The following GRIK2 variants were observed in gnomAD, a reference collection of about 807,000 sequenced individuals.
The protein encoded by GRIK2 is glutamate receptor ionotropic, kainate 2.
Under a neutral mutation model 100.3 loss-of-function variants are expected in GRIK2, and 32 were observed. That is an observed-to-expected ratio of 0.32 (90% CI 0.24 to 0.43). The LOEUF (loss-of-function observed/expected upper bound fraction) is 0.43. GRIK2 is among the 20% of genes least tolerant of loss of function. The pLI is 1.00. For missense variants in GRIK2, 843 were observed against 1,114.9 expected, an observed-to-expected ratio of 0.76 and a Z score of 3.47; for synonymous variants, 417 against 389.4, an observed-to-expected ratio of 1.07 and a Z score of -0.83.
intron 2 of GRIK2, among the ~76,000 whole-genome samples, chr6:101,453,556 C>G (rs956102062): frequency 1.3e-5 from 2 of 151,928 alleles, no homozygotes; most frequent in African/African-American, 4.8e-5. Context: ...CTTGAACTGT[C>G]AGAAATATAC....
intron 2 of GRIK2, among the ~76,000 whole-genome samples, chr6:101,514,339 A>G (rs1022700250): frequency 3.9e-4 from 60 of 152,228 alleles, no homozygotes; most frequent in Admixed American, 2.0e-3. Context: ...CGACACGGAC[A>G]CACATGGAGT....
intron 2 of GRIK2, among the ~76,000 whole-genome samples, chr6:101,611,075 AT>A (rs1656092747): frequency 2.0e-5 from 3 of 151,748 alleles, no homozygotes; most frequent in African/African-American, 7.3e-5. Context: ...CCTCCCTTGG[AT>A]TTTAATGGTC....
At chr6:101,963,313 T>G (rs1792429101) in intron 14 of GRIK2, among the ~76,000 whole-genome samples, 2 of 95,874 alleles carry the variant, frequency 2.1e-5, no homozygotes, top group Admixed American at 2.4e-4. Flanking sequence ...TTTTTTTTTT[T>G]TTGAGATGGA....
At chr6:101,529,826 G>A (rs749722877) in intron 2 of GRIK2, among the ~76,000 whole-genome samples, 6 of 152,072 alleles carry the variant, frequency 3.9e-5, no homozygotes, top group Non-Finnish European at 8.8e-5. Context: ...TTTGAAAATG[G>A]TTTAACAGAA....
At chr6:101,921,963 T>C (rs1040423281) in intron 12 of GRIK2, among the ~76,000 whole-genome samples, 1 of 152,036 alleles carries the variant, frequency 6.6e-6, no homozygotes, top group African/African-American at 2.4e-5. Flanking sequence ...TTATTTTAAT[T>C]TAAATATCAA....
intron 2 of GRIK2, among the ~76,000 whole-genome samples, chr6:101,440,252 A>G (rs1769970146): frequency 6.6e-6 from 1 of 152,226 alleles, no homozygotes; most frequent in South Asian, 2.1e-4. Context: ...CAACAGAATT[A>G]GGTATAAGAC....
At chr6:101,594,781 T>G (rs1331862043) in intron 2 of GRIK2, among the ~76,000 whole-genome samples, 2 of 151,782 alleles carry the variant, frequency 1.3e-5, no homozygotes, top group African/African-American at 4.8e-5. Context: ...ATATGAGTTA[T>G]GTTTAAAGAA....
chr6:101,734,074 A>G (rs1775468862), intron 7 of GRIK2, among the ~76,000 whole-genome samples: 1 of 152,042 alleles, frequency 6.6e-6, no homozygotes, highest in South Asian at 2.1e-4. Context: ...TCCACCCACT[A>G]CTGAGTTCCA....
rs985183402 is a variant in GRIK2 at position 101,988,836 on chromosome 6, T to C, written c.2086-46505T>C. 2.6e-5 allele frequency among the ~76,000 whole-genome samples: 4 copies of C among 151,932 alleles called. 1 individual carries two copies. The highest frequency in any genetic ancestry group is 1.3e-4 in the Admixed American group (2 of 15,220). ...CATAAATACTATAGATTTCAAGATT[T>C]ATTTTTCAGTCCAAATTTTGAAGTC... On this transcript the variant is annotated intron_variant, in intron 14 of 16. Coordinates refer to ENST00000369134, the MANE Select transcript of GRIK2 (RefSeq NM_021956.5).
intron 2 of GRIK2, among the ~76,000 whole-genome samples, chr6:101,437,299 T>C (rs1414894127): frequency 1.3e-5 from 2 of 152,112 alleles, no homozygotes; most frequent in South Asian, 4.1e-4. Context: ...CCTATTTAGG[T>C]AATGGAAATC....
chr6:101,710,614 GGGCT>G (rs1166069819), intron 7 of GRIK2, among the ~76,000 whole-genome samples: 1 of 151,592 alleles, frequency 6.6e-6, no homozygotes, highest in East Asian at 1.9e-4. Flanking sequence ...TGTTTATTTG[GGGCT>G]GGCTGTAAGC....
chr6:101,597,053 G>T (rs1274672989), intron 2 of GRIK2, among the ~76,000 whole-genome samples: 1 of 151,836 alleles, frequency 6.6e-6, no homozygotes, highest in Non-Finnish European at 1.5e-5. Context: ...AAAATACTAT[G>T]CAGCCATAGA....
At chr6:102,034,815 C>A (rs1273058494) in intron 14 of GRIK2, among the ~76,000 whole-genome samples, 1 of 151,332 alleles carries the variant, frequency 6.6e-6, no homozygotes, top group African/African-American at 2.4e-5. Context: ...ACATTCTGCT[C>A]GTCTCTTCAA....
At chr6:101,423,401 T>C (rs2128240841) in intron 2 of GRIK2, among the ~76,000 whole-genome samples, 1 of 152,326 alleles carries the variant, frequency 6.6e-6, no homozygotes, top group Admixed American at 6.5e-5. Flanking sequence ...AGCACCATTT[T>C]ACAGTCCTGA....
chr6:101,762,348 T>A (rs576307420), intron 7 of GRIK2, among the ~76,000 whole-genome samples: 194 of 152,054 alleles, frequency 1.3e-3, no homozygotes, highest in African/African-American at 4.5e-3. Context: ...CTAATTTTTT[T>A]ATTTTATTAT....
chr6:102,060,258 T>G (rs1282903982), intron 16 of GRIK2, among the ~76,000 whole-genome samples: 1 of 150,846 alleles, frequency 6.6e-6, no homozygotes, highest in Non-Finnish European at 1.5e-5. Flanking sequence ...AAAAACATTT[T>G]GTGAGGGAAC....
At chr6:101,952,165 G>A (rs746535796) in intron 14 of GRIK2, among the ~76,000 whole-genome samples, 2 of 152,126 alleles carry the variant, frequency 1.3e-5, no homozygotes, top group Non-Finnish European at 2.9e-5. Flanking sequence ...CCTCTATGAC[G>A]GAACCATCCA....
intron 7 of GRIK2, among the ~76,000 whole-genome samples, chr6:101,727,934 AT>A (rs1774988766): frequency 6.6e-6 from 1 of 152,116 alleles, no homozygotes; most frequent in Non-Finnish European, 1.5e-5. Context: ...AGCACAAAAA[AT>A]GATAAAATAA....
chr6:101,777,890 C>T (rs1371518879), intron 7 of GRIK2, among the ~76,000 whole-genome samples: 1 of 152,182 alleles, frequency 6.6e-6, no homozygotes, highest in Non-Finnish European at 1.5e-5. Context: ...GCTTTACTCA[C>T]ATTCCTCTCC....
Sources: gnomAD v4.1 joint callset for allele counts (sites outside exome capture counted in the v4.1 genomes callset) on GRCh38, gnomAD v4.1.1 for gene constraint, MANE v1.5 for transcripts, NCBI Gene and HGNC (gene_info 2026-07-23, HGNC 2026-07-21) for gene names.